Variants in ZNF592 observed in about 807,000 individuals in gnomAD.
The protein encoded by ZNF592 is zinc finger protein 592.
In ZNF592, 11 loss-of-function variants were observed where a neutral mutation model predicts 80.3. The observed-to-expected ratio is 0.14, with a 90% CI of 0.09 to 0.23. The LOEUF (loss-of-function observed/expected upper bound fraction) is 0.23, where lower values mean the gene tolerates loss of function less well. Ranked by LOEUF, ZNF592 falls within the 10% of genes least tolerant of loss-of-function variation. The pLI is 1.00. For synonymous variants in ZNF592, 646 were observed against 640.3 expected (o/e 1.01, Z -0.13); for missense variants, 1,420 against 1,633.9 (o/e 0.87, Z 2.26).
rs551441439 is a variant in ZNF592 at position 84,798,884 on chromosome 15, A to C, written c.3024+9A>C. On this transcript the variant is annotated intron_variant, in intron 8 of 10. Coordinates refer to ENST00000560079, the MANE Select transcript of ZNF592 (RefSeq NM_014630.3). The surrounding 1 kb of genome is among the most constrained non-coding windows in gnomAD (Gnocchi z 4.5). ...AAAAGAGCCACGGTCGGGTAAGTGCAGCCACACAGTCATAATGCAGAGCCC... is the reference window on the plus strand; with the variant it reads ...AAAAGAGCCACGGTCGGGTAAGTGCCGCCACACAGTCATAATGCAGAGCCC... The C allele has an allele frequency of 1.3e-6, 2 of 1,598,112 alleles. No homozygotes were observed. Among genetic ancestry groups the C allele is most frequent in the South Asian group, 2.2e-5 (2 of 90,904 alleles).
chr15:84,760,029 A>T (rs1567059610), intron 1 of ZNF592, among the ~76,000 whole-genome samples: 1 of 149,836 alleles, frequency 6.7e-6, no homozygotes, highest in Non-Finnish European at 1.5e-5. Flanking sequence ...TCAGGAAGAA[A>T]TTCTGGTAAT....
intron 2 of ZNF592, among the ~76,000 whole-genome samples, chr15:84,772,784 C>G (rs2141975668): frequency 6.6e-6 from 1 of 152,198 alleles, no homozygotes; most frequent in South Asian, 2.1e-4. Flanking sequence ...ATCATGCTGC[C>G]TTTAACTTTC....
intron 1 of ZNF592, among the ~76,000 whole-genome samples, chr15:84,763,507 A>G (rs987634489): frequency 1.3e-5 from 2 of 151,966 alleles, no homozygotes; most frequent in African/African-American, 4.8e-5. Context: ...TTGGCCCCTG[A>G]TCTCTAACTT....
At chr15:84,750,565 C>T (rs1196140451) in intron 1 of ZNF592, among the ~76,000 whole-genome samples, 2 of 152,054 alleles carry the variant, frequency 1.3e-5, no homozygotes, top group Non-Finnish European at 1.5e-5. Context: ...TTATATTATA[C>T]GGTGGCCTGG....
intron 2 of ZNF592, among the ~76,000 whole-genome samples, chr15:84,777,047 A>G (rs1055611148): frequency 1.3e-5 from 2 of 152,006 alleles, no homozygotes; most frequent in Non-Finnish European, 2.9e-5. Flanking sequence ...GCGAGAAAAA[A>G]AAAGAAAGAA....
chr15:84,790,931 C>T, intron 5 of ZNF592, 48 bp downstream of exon 5: 1 of 1,611,522 alleles, frequency 6.2e-7, no homozygotes, highest in East Asian at 2.2e-5. Flanking sequence ...ATGGCTGGTC[C>T]TTTTCCTAAG....
intron 2 of ZNF592, among the ~76,000 whole-genome samples, chr15:84,775,773 A>T (rs929506195): frequency 1.4e-4 from 22 of 152,186 alleles, no homozygotes; most frequent in African/African-American, 5.1e-4. Context: ...CAATAGGGTG[A>T]TTCGGCATGC....
At chr15:84,772,152 A>G (rs556487141) in intron 2 of ZNF592, among the ~76,000 whole-genome samples, 1 of 152,312 alleles carries the variant, frequency 6.6e-6, no homozygotes, top group Non-Finnish European at 1.5e-5. Flanking sequence ...TTCTGGGTCC[A>G]GGAACATGAG....
rs1963150286 is a variant in ZNF592 at position 84,803,212 on chromosome 15, G to C, written c.*819G>C. 1 of 152,608 alleles carries C rather than the reference G, an allele frequency of 6.6e-6. No homozygotes were observed. The highest frequency in any genetic ancestry group is 2.4e-5 in the African/African-American group (1 of 41,428). The allele number at this position is 152,608 out of a possible 1,614,324, so 9.5% of individuals were successfully genotyped here. A position where few individuals can be genotyped will look rare whatever the true frequency, so the allele number is the denominator to read the frequency against. On this transcript the variant is annotated 3_prime_UTR_variant, in exon 11 of 11. Transcript: ENST00000560079. Reference sequence around the variant, plus strand: ...CTGCTCTCGTGCCATTTGAGAGGCTGCTGCCCCAGGCAGGCCAGCCCCTAC... The same window carrying C: ...CTGCTCTCGTGCCATTTGAGAGGCTCCTGCCCCAGGCAGGCCAGCCCCTAC...
intron 3 of ZNF592, among the ~76,000 whole-genome samples, chr15:84,779,066 C>A (rs1962348255): frequency 6.6e-6 from 1 of 152,240 alleles, no homozygotes; most frequent in African/African-American, 2.4e-5. Flanking sequence ...GGAAGAAACT[C>A]CCTTGTAGAG....
chr15:84,789,262 CCTT>C (rs1962674052), intron 4 of ZNF592, among the ~76,000 whole-genome samples: 4 of 151,226 alleles, frequency 2.6e-5, no homozygotes, highest in Non-Finnish European at 5.9e-5. Flanking sequence ...AAAAAAAGTC[CCTT>C]CTTTTTTTAA....
At chr15:84,782,201 A>C (rs959529131) in intron 3 of ZNF592, among the ~76,000 whole-genome samples, 1 of 152,226 alleles carries the variant, frequency 6.6e-6, no homozygotes, top group Admixed American at 6.6e-5. Flanking sequence ...AGTTATATAA[A>C]GTTAGTGAGT....
At chr15:84,750,878 G>A (rs556675446) in intron 1 of ZNF592, among the ~76,000 whole-genome samples, 1 of 152,310 alleles carries the variant, frequency 6.6e-6, no homozygotes, top group African/African-American at 2.4e-5. Context: ...GAGCAATGGG[G>A]CCTTGGGGGC....
In ZNF592 at chr15:84,783,176, T is replaced by A; in HGVS notation, c.501T>A (p.Ser167Arg). ...GFGIKPKHSD[S>R]YFPPPLGCGA... Reference sequence around the variant, plus strand: ...GGATAAAGCCCAAACACTCTGACAGTTATTTCCCACCCCCTCTTGGGTGCG... The same window carrying A: ...GGATAAAGCCCAAACACTCTGACAGATATTTCCCACCCCCTCTTGGGTGCG... The change falls in exon 4 of 11, where the codon AGT becomes AGA. Residue 167 changes from serine (S) to arginine (R), a missense_variant. By Grantham distance (110) the Ser-to-Arg change is moderately radical. Around this residue, in one of 7 missense-constraint regions of ZNF592, gnomAD observed 373 missense variants for 355.5 expected, o/e 1.05. Coordinates refer to ENST00000560079, the MANE Select transcript of ZNF592 (RefSeq NM_014630.3). This position sits in a 1 kb window ranked among gnomAD's most constrained non-coding sequence, Gnocchi z 5.0. 6.2e-7 allele frequency: 1 copy of A among 1,614,140 alleles called. No individual in the cohort carries two copies. Among genetic ancestry groups the A allele is most frequent in the Non-Finnish European group, 8.5e-7 (1 of 1,180,032 alleles).
intron 1 of ZNF592, among the ~76,000 whole-genome samples, chr15:84,757,418 T>A (rs2141960542): frequency 6.6e-6 from 1 of 150,866 alleles, no homozygotes; most frequent in East Asian, 2.0e-4. Flanking sequence ...CAATCATAGC[T>A]CATTACAGTC....
chr15:84,797,650 C>G (rs537998817), intron 5 of ZNF592, among the ~76,000 whole-genome samples: 1 of 152,220 alleles, frequency 6.6e-6, no homozygotes, highest in Non-Finnish European at 1.5e-5. Context: ...AAGGCGTGGC[C>G]TTGGGCTTGG....
In ZNF592 at chr15:84,784,951, G is replaced by T. The variant is rs1962549187; in HGVS notation, c.2220+56G>T. 6.3e-7 allele frequency: 1 copy of T among 1,599,076 alleles called. No homozygotes were observed. Among genetic ancestry groups the T allele is most frequent in the Non-Finnish European group, 8.6e-7 (1 of 1,167,266 alleles). On this transcript the variant is annotated intron_variant, in intron 4 of 10. Coordinates refer to ENST00000560079, the MANE Select transcript of ZNF592 (RefSeq NM_014630.3). This position sits in a 1 kb window ranked among gnomAD's most constrained non-coding sequence, Gnocchi z 5.8. ...GGCCCCTGGCTCACACAGGTTCCAT[G>T]ACTGGGCATGGAGAGGAAAGCTCAT...
At chr15:84,761,077 C>A (rs992269548) in intron 1 of ZNF592, among the ~76,000 whole-genome samples, 2 of 152,108 alleles carry the variant, frequency 1.3e-5, no homozygotes, top group African/African-American at 4.8e-5. Context: ...AATTCTCTTG[C>A]CTCAGCCTCC....
chr15:84,793,342 G>A (rs1962804378), intron 5 of ZNF592, among the ~76,000 whole-genome samples: 1 of 152,182 alleles, frequency 6.6e-6, no homozygotes, highest in African/African-American at 2.4e-5. Flanking sequence ...CTCCCAAAGT[G>A]CTGGGACTAC....
Sources: allele counts gnomAD v4.1 joint callset (sites outside exome capture counted in the v4.1 genomes callset), GRCh38; gene constraint gnomAD v4.1.1; regional missense constraint gnomAD v4.1.1; non-coding constraint Gnocchi (gnomAD v3.1); transcripts MANE v1.5; gene names NCBI Gene and HGNC (gene_info 2026-07-23, HGNC 2026-07-21).